CACNA2D1: variants seen among roughly 807,000 people sequenced by gnomAD.
CACNA2D1 encodes voltage-dependent calcium channel subunit alpha-2/delta-1.
Under a neutral mutation model 171.5 loss-of-function variants are expected in CACNA2D1, and 53 were observed. The observed-to-expected ratio is 0.31, with a 90% CI of 0.25 to 0.39. CACNA2D1 has a LOEUF of 0.39. CACNA2D1 is among the 10% of genes least tolerant of loss of function. CACNA2D1 has a pLI of 1.00. For synonymous variants in CACNA2D1, 442 were observed against 443.1 expected (o/e 1.00, Z 0.03); for missense variants, 903 against 1,299.8 (o/e 0.69, Z 4.69).
chr7:81,950,337 G>A lies in CACNA2D1; in HGVS notation c.*55C>T, dbSNP rs201437426. 1.2e-6 allele frequency: 2 copies of A among 1,612,492 alleles called. No individual in the cohort carries two copies. Among genetic ancestry groups the A allele is most frequent in the Non-Finnish European group, 1.7e-6 (2 of 1,179,018 alleles). On this transcript the variant is annotated 3_prime_UTR_variant, in exon 39 of 39. Coordinates refer to ENST00000356860, the MANE Select transcript of CACNA2D1 (RefSeq NM_000722.4). ...CTACGTTACTGTAATTGAGGGCAGG[G>A]CTCATGTTTTGGCAGGGTCTGGAGT...
At chr7:81,960,417 T>A (rs1027184061) in intron 36 of CACNA2D1, among the ~76,000 whole-genome samples, 2 of 152,000 alleles carry the variant, frequency 1.3e-5, no homozygotes, top group Non-Finnish European at 2.9e-5. Flanking sequence ...TAATTGAAAT[T>A]TCAATAGCCA....
rs540487917 is a variant in CACNA2D1 at position 82,341,241 on chromosome 7, A to G, written c.178-5990T>C. ...CCCTTAACTAAACAAATACTAATGT[A>G]GTATTTTTCTATATCATTAAGTCTC... is the stretch of plus-strand genomic sequence containing the variant. On this transcript the variant is annotated intron_variant, in intron 2 of 38. Coordinates refer to ENST00000356860, the MANE Select transcript of CACNA2D1 (RefSeq NM_000722.4). 5.9e-5 allele frequency among the ~76,000 whole-genome samples: 9 copies of G among 152,302 alleles called. No individual in the cohort carries two copies. The East Asian group carries it at 1.7e-3, about 29-fold the overall frequency.
intron 3 of CACNA2D1, among the ~76,000 whole-genome samples, chr7:82,210,513 G>T (rs180902749): frequency 3.3e-5 from 5 of 152,246 alleles, no homozygotes; most frequent in Admixed American, 1.3e-4. Context: ...TATGAGCTGG[G>T]ACTTAGAGAT....
intron 1 of CACNA2D1, among the ~76,000 whole-genome samples, chr7:82,419,109 C>CAAAA (rs370697144): frequency 1.0e-5 from 1 of 98,212 alleles, no homozygotes; most frequent in Admixed American, 1.0e-4. Flanking sequence ...GACTCCATCT[C>CAAAA]AAAAAAAAAA....
intron 4 of CACNA2D1, among the ~76,000 whole-genome samples, chr7:82,164,273 G>A (rs962158305): frequency 6.6e-6 from 1 of 151,878 alleles, no homozygotes; most frequent in Non-Finnish European, 1.5e-5. Context: ...ACTAGACTAT[G>A]GTTTTCTTAG....
rs147687718 is a variant in CACNA2D1 at position 82,389,646 on chromosome 7, T to C, written c.96-39997A>G. Among the ~76,000 whole-genome samples the C allele has an allele frequency of 7.4e-3, 1,123 of 152,250 alleles. 14 individuals are homozygous for C. The highest frequency in any genetic ancestry group is 0.025 in the African/African-American group (1,058 of 41,560). On this transcript the variant is annotated intron_variant, in intron 1 of 38. Coordinates refer to ENST00000356860, the MANE Select transcript of CACNA2D1 (RefSeq NM_000722.4). ...TACAGATTCGATGCCTCATTCTTAC[T>C]TGATGTATGACCATAGAAATTCCCC...
chr7:82,262,111 C>T (rs1381995329), intron 3 of CACNA2D1, among the ~76,000 whole-genome samples: 1 of 152,184 alleles, frequency 6.6e-6, no homozygotes, highest in Admixed American at 6.5e-5. Flanking sequence ...GCGGGCAGAT[C>T]ACGAGGTCAG....
rs150515444 is a variant in CACNA2D1, at chr7:82,357,556, T to C, written c.96-7907A>G. Among the ~76,000 whole-genome samples, 365 of 152,004 alleles carry C rather than the reference T, an allele frequency of 2.4e-3. 3 individuals are homozygous for C. Among genetic ancestry groups the C allele is most frequent in the African/African-American group, 8.3e-3 (345 of 41,490 alleles). On this transcript the variant is annotated intron_variant, in intron 1 of 38. Coordinates refer to ENST00000356860, the MANE Select transcript of CACNA2D1 (RefSeq NM_000722.4). ...ATGTGGATAAGTCCTCTGGAAAAAA[T>C]AATAATGTGTGTAAACAGATTTGTA...
intron 10 of CACNA2D1, chr7:82,050,524 G>A (rs1243201815): frequency 7.1e-6 from 5 of 700,378 alleles, no homozygotes; most frequent in Non-Finnish European, 1.3e-5. Flanking sequence ...TCTTATACAG[G>A]GGCTTCTGAT....
chr7:81,947,593 T>C lies in CACNA2D1; in HGVS notation c.*2799A>G, dbSNP rs902241163. ...ACCATTGCCAAGCTCACTTGAACTCTGTTTTAGTGACTAACTACACTAAGC... is the reference window on the plus strand; with the variant it reads ...ACCATTGCCAAGCTCACTTGAACTCCGTTTTAGTGACTAACTACACTAAGC... On this transcript the variant is annotated 3_prime_UTR_variant, in exon 39 of 39. Coordinates refer to ENST00000356860, the MANE Select transcript of CACNA2D1 (RefSeq NM_000722.4). The C allele has an allele frequency of 6.6e-6, 1 of 152,016 alleles. No individual in the cohort carries two copies. The highest frequency in any genetic ancestry group is 1.5e-5 in the Non-Finnish European group (1 of 67,886). The allele number at this position is 152,016 out of a possible 1,614,324, so 9.4% of individuals were successfully genotyped here.
intron 2 of CACNA2D1, among the ~76,000 whole-genome samples, chr7:82,348,335 C>T (rs1284242288): frequency 1.3e-5 from 2 of 152,096 alleles, no homozygotes; most frequent in African/African-American, 4.8e-5. Flanking sequence ...AGCATCGGCA[C>T]ACAATAACTT....
chr7:82,335,275 AGT>A, intron 2 of CACNA2D1, 24 bp from the exon 3 acceptor site: 1 of 1,249,608 alleles, frequency 8.0e-7, no homozygotes, highest in Non-Finnish European at 1.2e-6. Flanking sequence ...AAAAAAAACT[AGT>A]AAGAACAATA....
intron 5 of CACNA2D1, among the ~76,000 whole-genome samples, chr7:82,132,092 T>G (rs1042567035): frequency 2.6e-5 from 4 of 152,236 alleles, no homozygotes; most frequent in African/African-American, 9.6e-5. Flanking sequence ...ATAGTAAATA[T>G]TTCTATTGCA....
chr7:82,154,930 T>C (rs779691482), intron 4 of CACNA2D1, among the ~76,000 whole-genome samples: 1 of 152,114 alleles, frequency 6.6e-6, no homozygotes, highest in Non-Finnish European at 1.5e-5. Context: ...AGATGGGGCC[T>C]GGTGAGAGGT....
At chr7:82,080,582 AGTGTATC>A (rs1311440619) in intron 7 of CACNA2D1, among the ~76,000 whole-genome samples, 1 of 152,222 alleles carries the variant, frequency 6.6e-6, no homozygotes, top group Non-Finnish European at 1.5e-5. Context: ...TCTTAGCAAA[AGTGTATC>A]ACAAATATTG....
intron 32 of CACNA2D1, 98 bp from the exon 33 acceptor site, chr7:81,964,457 A>T: frequency 1.1e-6 from 1 of 915,690 alleles, no homozygotes; most frequent in Non-Finnish European, 1.7e-6. Flanking sequence ...TAATACAAAG[A>T]AACTGAACTA....
intron 2 of CACNA2D1, among the ~76,000 whole-genome samples, chr7:82,344,632 G>A (rs1585584703): frequency 6.6e-6 from 1 of 152,086 alleles, no homozygotes; most frequent in South Asian, 2.1e-4. Context: ...GGAGGCAGGG[G>A]GAGGATGATG....
At chr7:82,088,014 C>T (rs1810681080) in intron 6 of CACNA2D1, among the ~76,000 whole-genome samples, 2 of 152,082 alleles carry the variant, frequency 1.3e-5, no homozygotes, top group Non-Finnish European at 2.9e-5. Flanking sequence ...CCCCAGGATG[C>T]CCCTTAGCCC....
intron 1 of CACNA2D1, among the ~76,000 whole-genome samples, chr7:82,398,159 C>G (rs1363262281): frequency 6.6e-6 from 1 of 152,122 alleles, no homozygotes; most frequent in Non-Finnish European, 1.5e-5. Flanking sequence ...GAAGGAAGGG[C>G]TCAATAGCCT....
Sources: allele counts gnomAD v4.1 joint callset (sites outside exome capture counted in the v4.1 genomes callset), GRCh38; gene constraint gnomAD v4.1.1; transcripts MANE v1.5; gene names NCBI Gene and HGNC (gene_info 2026-07-23, HGNC 2026-07-21).